The following KIF21A variants were observed in gnomAD, a reference collection of about 807,000 sequenced individuals.
KIF21A encodes the protein kinesin-like protein KIF21A.
Under a neutral mutation model 202.9 loss-of-function variants are expected in KIF21A, and 114 were observed. The observed-to-expected ratio is 0.56, with a 90% CI of 0.48 to 0.66. KIF21A has a LOEUF of 0.66. Ranked by LOEUF, KIF21A falls within the 30% of genes least tolerant of loss-of-function variation. The pLI is 0.00. For synonymous variants in KIF21A, 667 were observed against 670.8 expected (o/e 0.99, Z 0.09); for missense variants, 1,677 against 1,994.9 (o/e 0.84, Z 3.04).
At chr12:39,333,165 C>G in intron 18 of KIF21A, 47 bp downstream of exon 18, 1 of 1,607,172 alleles carries the variant, frequency 6.2e-7, no homozygotes, top group Non-Finnish European at 8.5e-7. Context: ...CATCATTTAT[C>G]TCAAAGTCAG....
In KIF21A at chr12:39,369,980, G is replaced by A. The variant is rs540445622; in HGVS notation, c.267+59C>T. 176 of 1,583,760 alleles carry A rather than the reference G, an allele frequency of 1.1e-4. No homozygotes were observed. The African/African-American group carries it at 1.7e-3, about 16-fold the overall frequency. On this transcript the variant is annotated intron_variant, in intron 2 of 37. Transcript: ENST00000361418. Reference sequence around the variant, plus strand: ...AACCTTAAGAAACAAAAATGAAAGCGCAACTGAATTAACATTTCTGAAAAG... The same window carrying A: ...AACCTTAAGAAACAAAAATGAAAGCACAACTGAATTAACATTTCTGAAAAG...
intron 7 of KIF21A, among the ~76,000 whole-genome samples, 191 bp from the exon 8 acceptor site, chr12:39,358,564 G>T (rs1948968927): frequency 6.6e-6 from 1 of 152,184 alleles, no homozygotes; most frequent in Non-Finnish European, 1.5e-5. Flanking sequence ...GAAATAAATT[G>T]ATATTATTCA....
chr12:39,439,690 T>TG (rs1388021230), intron 1 of KIF21A, among the ~76,000 whole-genome samples: 4 of 152,244 alleles, frequency 2.6e-5, no homozygotes, highest in Non-Finnish European at 5.9e-5. Flanking sequence ...AATAGCCACA[T>TG]GGGGTTGGAT....
intron 1 of KIF21A, among the ~76,000 whole-genome samples, chr12:39,379,364 T>G (rs1950470663): frequency 6.7e-6 from 1 of 150,212 alleles, no homozygotes; most frequent in Non-Finnish European, 1.5e-5. Flanking sequence ...TTTAGGGAAG[T>G]TTTGTGAATG....
intron 1 of KIF21A, among the ~76,000 whole-genome samples, chr12:39,416,257 T>A (rs1298277009): frequency 6.6e-6 from 1 of 152,130 alleles, no homozygotes; most frequent in East Asian, 1.9e-4. Context: ...TGGTTTGTCA[T>A]CTTTAAAACA....
At chr12:39,406,478 T>C (rs980110582) in intron 1 of KIF21A, among the ~76,000 whole-genome samples, 1 of 152,198 alleles carries the variant, frequency 6.6e-6, no homozygotes, top group Admixed American at 6.5e-5. Flanking sequence ...CATACTTTAA[T>C]GTCCAATCAA....
Position 39,389,175 on chromosome 12 carries a change from C to CACAT in KIF21A, c.45-18918_45-18915dup, listed in dbSNP as rs1555186604. On this transcript the variant is annotated intron_variant, in intron 1 of 37. Coordinates refer to ENST00000361418, the MANE Select transcript of KIF21A (RefSeq NM_001173464.2). Reference sequence around the variant, plus strand: ...TTACTTAATATTTATTCAGTAAATACACATACACACACACACACACACACA... The same window carrying CACAT: ...TTACTTAATATTTATTCAGTAAATACACATACATACACACACACACACACACACA... Among the ~76,000 whole-genome samples the CACAT allele has an allele frequency of 5.0e-5, 7 of 138,950 alleles. 1 individual carries two copies. In the South Asian group the frequency reaches 8.9e-4, roughly 18 times the overall value. The allele number at this position is 138,950 out of a possible 152,430, so 91.2% of individuals were successfully genotyped here. A position where few individuals can be genotyped will look rare whatever the true frequency, so the allele number is the denominator to read the frequency against.
Position 39,410,473 on chromosome 12 carries a change from T to C in KIF21A, c.44+32454A>G, listed in dbSNP as rs1952998061. On this transcript the variant is annotated intron_variant, in intron 1 of 37. Coordinates refer to ENST00000361418, the MANE Select transcript of KIF21A (RefSeq NM_001173464.2). ...AAAGAAGAAACTGGTAAGTCCATTATCATAGTTGCATAATGTTAACTCACT... is the reference window on the plus strand; with the variant it reads ...AAAGAAGAAACTGGTAAGTCCATTACCATAGTTGCATAATGTTAACTCACT... Among the ~76,000 whole-genome samples the C allele has an allele frequency of 3.3e-5, 5 of 152,192 alleles. No individual in the cohort carries two copies. The South Asian group carries it at 1.0e-3, about 31-fold the overall frequency.
intron 20 of KIF21A, 46 bp from the exon 21 acceptor site, chr12:39,332,454 T>C: frequency 6.3e-7 from 1 of 1,591,678 alleles, no homozygotes; most frequent in Non-Finnish European, 8.6e-7. Flanking sequence ...GTTCACTTAT[T>C]TATATACAGT....
intron 11 of KIF21A, among the ~76,000 whole-genome samples, chr12:39,348,467 A>G (rs1362540712): frequency 6.6e-6 from 1 of 152,100 alleles, no homozygotes; most frequent in African/African-American, 2.4e-5. Context: ...GTTCTGATAC[A>G]GACTGACGCA....
intron 37 of KIF21A, among the ~76,000 whole-genome samples, chr12:39,298,991 T>C (rs1942691748): frequency 6.6e-6 from 1 of 152,190 alleles, no homozygotes; most frequent in Admixed American, 6.5e-5. Context: ...ACTATATAAA[T>C]ATTTATTAAA....
intron 11 of KIF21A, 52 bp from the exon 12 acceptor site, chr12:39,346,556 C>T: frequency 3.1e-6 from 4 of 1,296,690 alleles, no homozygotes; most frequent in Non-Finnish European, 3.0e-6. Context: ...GAAGGACAAA[C>T]CAGACAGTAA....
intron 35 of KIF21A, 107 bp downstream of exon 35, chr12:39,304,714 C>T: frequency 1.4e-6 from 1 of 692,652 alleles, no homozygotes; most frequent in Non-Finnish European, 2.6e-6. Context: ...AAAGCAAAGA[C>T]TAGAAAGGAA....
Position 39,307,679 on chromosome 12 carries a change from C to G in KIF21A, c.4328G>C (p.Arg1443Pro). The G allele has an allele frequency of 6.2e-7, 1 of 1,613,984 alleles. No homozygotes were observed. The highest frequency in any genetic ancestry group is 8.5e-7 in the Non-Finnish European group (1 of 1,179,948). The stretch of plus-strand genomic sequence containing the variant: ...CTCTCCAGAAGGAATAGCTACTGTT[C>G]GACTGGTACTTGCAGAACAAGCATC... ...LGDACSASTS[R>P]TVAIPSGENQ... is the part of the protein sequence containing the mutation. Residue 1443 changes from arginine (R) to proline (P), a missense_variant, in exon 34 of 38, where the codon CGA becomes CCA. This residue lies in a region of KIF21A where 705 missense variants were observed against 791.9 expected (regional missense o/e 0.89). Coordinates refer to ENST00000361418, the MANE Select transcript of KIF21A (RefSeq NM_001173464.2).
intron 24 of KIF21A, among the ~76,000 whole-genome samples, chr12:39,326,872 C>T (rs1028767864): frequency 2.6e-5 from 4 of 152,194 alleles, no homozygotes; most frequent in African/African-American, 9.7e-5. Flanking sequence ...CAGCATGCAG[C>T]TCATTCACAT....
At chr12:39,335,410 C>CAAAAAAAA (rs1033088626) in intron 17 of KIF21A, among the ~76,000 whole-genome samples, 1 of 61,962 alleles carries the variant, frequency 1.6e-5, no homozygotes, top group African/African-American at 5.6e-5. Context: ...GACTCTGTCT[C>CAAAAAAAA]AAAAAAAAAA....
At position 39,342,085 on chromosome 12, in the gene KIF21A, C is replaced by G. The variant is rs748137887; in HGVS notation, c.1752G>C (p.Glu584Asp). ...GKEDNTDTDQ[E>D]KKEEKGVSER... is the part of the protein sequence containing the mutation. ...CCGAAACACCCTTTTCTTCTTTCTT[C>G]TCTTGGTCAGTGTCTGTATTATCCT... The change falls in exon 13 of 38, where the codon GAG becomes GAC. Residue 584 changes from glutamate (E) to aspartate (D), a missense_variant. Physicochemically the swap from Glu to Asp is conservative, Grantham distance 45 (BLOSUM62 2). Around this residue, in one of 3 missense-constraint regions of KIF21A, gnomAD observed 966 missense variants for 1,180.9 expected, o/e 0.82. Transcript: ENST00000361418. 4 of 1,612,016 alleles carry G rather than the reference C, an allele frequency of 2.5e-6. No individual in the cohort carries two copies. In the South Asian group the frequency reaches 4.4e-5, roughly 18 times the overall value.
At chr12:39,358,121 C>T (rs2138870211) in intron 8 of KIF21A, 57 bp downstream of exon 8, 1 of 1,433,934 alleles carries the variant, frequency 7.0e-7, no homozygotes, top group Non-Finnish European at 9.8e-7. Context: ...TTATTGTGTT[C>T]AGAAAGTGCC....
At chr12:39,441,661 A>AAAAAAAAAAAAAAAAAC (rs1939622938) in intron 1 of KIF21A, among the ~76,000 whole-genome samples, 1 of 72,538 alleles carries the variant, frequency 1.4e-5, no homozygotes, top group African/African-American at 5.6e-5. Context: ...CCTGGGTGGT[A>AAAAAAAAAAAAAAAAAC]AAAAAAAAAA....
Sources: gnomAD v4.1 joint callset for allele counts (sites outside exome capture counted in the v4.1 genomes callset) on GRCh38, gnomAD v4.1.1 for gene constraint, gnomAD v4.1.1 regional missense constraint, MANE v1.5 for transcripts, NCBI Gene and HGNC (gene_info 2026-07-23, HGNC 2026-07-21) for gene names.